The following CARD10 variants were observed in gnomAD, a reference collection of about 807,000 sequenced individuals.
CARD10 encodes the protein caspase recruitment domain family member 10.
CARD10 carries 49 observed loss-of-function variants against 114.6 expected under a neutral mutation model. The observed-to-expected ratio is 0.43, with a 90% CI of 0.34 to 0.54. The LOEUF (loss-of-function observed/expected upper bound fraction) is 0.54. Among genes scored for constraint, CARD10 ranks in the 20% least tolerant of loss-of-function variants. CARD10 has a pLI of 0.03. For missense variants in CARD10, 1,206 were observed against 1,397.2 expected, an observed-to-expected ratio of 0.86 and a Z score of 2.18; for synonymous variants, 602 against 593.2, an observed-to-expected ratio of 1.01 and a Z score of -0.21.
At chr22:37,517,582 C>T (rs914529297) in intron 2 of CARD10, among the ~76,000 whole-genome samples, 1 of 151,954 alleles carries the variant, frequency 6.6e-6, no homozygotes, top group Non-Finnish European at 1.5e-5. Flanking sequence ...GCGGAGGTTG[C>T]AGTGAGCTGA....
intron 7 of CARD10, among the ~76,000 whole-genome samples, chr22:37,505,351 C>T (rs1923368838): frequency 2.0e-5 from 3 of 152,046 alleles, no homozygotes; most frequent in African/African-American, 7.3e-5. Flanking sequence ...AAACACCAGG[C>T]CTGCGGAGCT....
Position 37,518,980 on chromosome 22 carries a change from C to A in CARD10, c.221G>T (p.Arg74Leu). 1 of 1,547,254 alleles carries A rather than the reference C, an allele frequency of 6.5e-7. No homozygotes were observed. Among genetic ancestry groups the A allele is most frequent in the Non-Finnish European group, 8.7e-7 (1 of 1,149,870 alleles). ...CCGCGGCTCACCGGTGCGGTTGACG[C>A]GGCACGGGAAGCGGTAGGTGCTCAG... ...EVLSTYRFPC[R>L]VNRTGRLMDI... Residue 74 changes from arginine (R) to leucine (L), a missense_variant, in exon 1 of 20, where the codon CGC becomes CTC. Transcript: ENST00000251973.
At position 37,491,765 on chromosome 22, in the gene CARD10, G is replaced by A. The variant is rs201030086; in HGVS notation, c.2854C>T (p.Arg952Trp). 9 of 572,114 alleles carry A rather than the reference G, an allele frequency of 1.6e-5. No homozygotes were observed. Among genetic ancestry groups the A allele is most frequent in the East Asian group, 1.2e-4 (2 of 17,272 alleles). The allele number at this position is 572,114 out of a possible 1,614,324, so 35.4% of individuals were successfully genotyped here. A position where few individuals can be genotyped will look rare whatever the true frequency, so the allele number is the denominator to read the frequency against. The change falls in exon 19 of 20, where the codon CGG becomes TGG. Residue 952 changes from arginine (R) to tryptophan (W), a missense_variant. By Grantham distance (101) the Arg-to-Trp change is moderately radical. Coordinates refer to ENST00000251973, the MANE Select transcript of CARD10 (RefSeq NM_014550.4). Reference protein sequence around the residue: ...IHVEVTEKNVREVRGLLGRPG... With the variant: ...IHVEVTEKNVWEVRGLLGRPG... ...ACCCACCCACCTCACCTGACTTCCC[G>A]GACATTCTTCTCAGTCACCTCCACG... is the stretch of plus-strand genomic sequence containing the variant.
intron 5 of CARD10, 125 bp downstream of exon 5, chr22:37,508,402 G>A (rs1399258085): frequency 7.2e-6 from 8 of 1,116,740 alleles, no homozygotes; most frequent in Non-Finnish European, 9.9e-6. Context: ...GTCAACATCT[G>A]AGAACAAATG....
intron 11 of CARD10, among the ~76,000 whole-genome samples, chr22:37,500,045 T>G (rs1015352199): frequency 1.3e-5 from 2 of 152,136 alleles, no homozygotes; most frequent in African/African-American, 4.8e-5. Context: ...ATGGCCTCAA[T>G]GAATGTCCCC....
chr22:37,514,026 C>T (rs1923751456), intron 3 of CARD10, among the ~76,000 whole-genome samples: 2 of 149,984 alleles, frequency 1.3e-5, no homozygotes, highest in African/African-American at 2.5e-5. Context: ...ATCGCTTGAA[C>T]GTGGGAGGCA....
At chr22:37,497,939 C>T (rs958749773) in intron 11 of CARD10, among the ~76,000 whole-genome samples, 1 of 151,730 alleles carries the variant, frequency 6.6e-6, no homozygotes, top group Admixed American at 6.6e-5. Context: ...AAGGTGGTTA[C>T]AACCAGCCGT....
intron 2 of CARD10, among the ~76,000 whole-genome samples, chr22:37,517,492 A>G (rs1319949965): frequency 6.6e-6 from 1 of 152,090 alleles, no homozygotes; most frequent in Non-Finnish European, 1.5e-5. Context: ...AAATACAAAA[A>G]TTAGCAGGGC....
chr22:37,507,721 C>T lies in CARD10; in HGVS notation c.1191+108G>A, dbSNP rs151286884. 2.8e-4 allele frequency: 378 copies of T among 1,364,182 alleles called. 1 individual carries two copies. In the African/African-American group the frequency reaches 3.3e-3, roughly 12 times the overall value. The allele number at this position is 1,364,182 out of a possible 1,614,324, so 84.5% of individuals were successfully genotyped here. On this transcript the variant is annotated intron_variant, in intron 6 of 19. Transcript: ENST00000251973. ...TGCCCCGTCCTAACCCAACAGGGAGCGGCTAACGTCTCTTTCTACCATTCT... is the reference window on the plus strand; with the variant it reads ...TGCCCCGTCCTAACCCAACAGGGAGTGGCTAACGTCTCTTTCTACCATTCT...
At chr22:37,515,889 G>T in intron 3 of CARD10, 84 bp downstream of exon 3, 1 of 1,112,964 alleles carries the variant, frequency 9.0e-7, no homozygotes. Context: ...AGCAATGGTG[G>T]CTCTGGGACA....
chr22:37,496,365 G>C lies in CARD10; in HGVS notation c.2059+84C>G, dbSNP rs1601809143. On this transcript the variant is annotated intron_variant, in intron 13 of 19. Coordinates refer to ENST00000251973, the MANE Select transcript of CARD10 (RefSeq NM_014550.4). This position sits in a 1 kb window ranked among gnomAD's most constrained non-coding sequence, Gnocchi z 4.1. ...TGGGGCAAGGCTGGTCCCTTCTCAG[G>C]TCCTTGGTCCCTCCCCACCCCATGC... The C allele has an allele frequency of 2.0e-6, 2 of 992,704 alleles. No individual in the cohort carries two copies. Among genetic ancestry groups the C allele is most frequent in the East Asian group, 4.9e-5 (2 of 41,186 alleles). 61.5% of individuals were successfully genotyped at this position (992,704 alleles called of 1,614,324 possible). A position where few individuals can be genotyped will look rare whatever the true frequency, so the allele number is the denominator to read the frequency against.
Position 37,506,258 on chromosome 22 carries a change from G to A in CARD10, c.1317C>T (p.Ser439=). ...ERDELLTTLT[S]LEGTKALLEV... Reference sequence around the variant, plus strand: ...CCAGCAGAGCCTTGGTGCCCTCCAGGCTGGTGAGCGTTGTCAGCAGCTCAT... The same window carrying A: ...CCAGCAGAGCCTTGGTGCCCTCCAGACTGGTGAGCGTTGTCAGCAGCTCAT... The change falls in exon 7 of 20, where the codon AGC becomes AGT. Residue 439 remains serine, a synonymous_variant. Transcript: ENST00000251973. 1 of 1,609,246 alleles carries A rather than the reference G, an allele frequency of 6.2e-7. No individual in the cohort carries two copies.
Position 37,491,790 on chromosome 22 carries a change from G to A in CARD10, c.2829C>T (p.His943=), listed in dbSNP as rs551486012. The A allele has an allele frequency of 2.1e-5, 27 of 1,296,516 alleles. No homozygotes were observed. The highest frequency in any genetic ancestry group is 2.1e-4 in the Middle Eastern group (1 of 4,674). The allele number at this position is 1,296,516 out of a possible 1,614,324, so 80.3% of individuals were successfully genotyped here. Residue 943 remains histidine, a synonymous_variant, in exon 19 of 20, where the codon CAC becomes CAT. Transcript: ENST00000251973. ...VQNEIYPIVI[H]VEVTEKNVRE... ...GGACATTCTTCTCAGTCACCTCCACGTGGATGACGATGGGGTAGATCTCGT... is the reference window on the plus strand; with the variant it reads ...GGACATTCTTCTCAGTCACCTCCACATGGATGACGATGGGGTAGATCTCGT...
chr22:37,517,149 T>C (rs1418017002), intron 2 of CARD10, among the ~76,000 whole-genome samples: 1 of 152,148 alleles, frequency 6.6e-6, no homozygotes, highest in East Asian at 1.9e-4. Flanking sequence ...AATACAAAAC[T>C]GGAAACCTAG....
In CARD10 at chr22:37,499,569, C is replaced by T. The variant is rs568102158; in HGVS notation, c.1788-2391G>A. ...CCCCTCTGCAATGCAAGCATCAAGG[C>T]TGACCTCAGCTTTCAACTCAGGTTT... On this transcript the variant is annotated intron_variant, in intron 11 of 19. Transcript: ENST00000251973. Among the ~76,000 whole-genome samples the T allele has an allele frequency of 5.9e-5, 9 of 151,416 alleles. No homozygotes were observed. The East Asian group carries it at 1.6e-3, about 26-fold the overall frequency.
At chr22:37,491,997 C>A (rs1032495180) in intron 18 of CARD10, 130 bp from the exon 19 acceptor site, 14 of 668,056 alleles carry the variant, frequency 2.1e-5, no homozygotes, top group Non-Finnish European at 3.7e-5. Context: ...CAGAGGGACC[C>A]TGGCAACGAG....
At chr22:37,516,363 C>G in intron 2 of CARD10, 65 bp from the exon 3 acceptor site, 1 of 1,219,866 alleles carries the variant, frequency 8.2e-7, no homozygotes, top group Non-Finnish European at 1.1e-6. Context: ...AGATAACATA[C>G]TGTGTCAAAA....
intron 5 of CARD10, 89 bp from the exon 6 acceptor site, chr22:37,508,043 C>A: frequency 6.7e-7 from 1 of 1,499,164 alleles, no homozygotes; most frequent in Non-Finnish European, 9.1e-7. Flanking sequence ...CAGTGAGAGA[C>A]GCTCACCAAC....
In CARD10 at chr22:37,507,836, C is replaced by T. The variant is rs756869184; in HGVS notation, c.1184G>A (p.Arg395Gln). The T allele has an allele frequency of 1.9e-6, 3 of 1,614,162 alleles. No homozygotes were observed. The highest frequency in any genetic ancestry group is 2.2e-5 in the East Asian group (1 of 44,886). The change falls in exon 6 of 20, where the codon CGA becomes CAA. Residue 395 changes from arginine (R) to glutamine (Q), a missense_variant. Around this residue, in one of 2 missense-constraint regions of CARD10, gnomAD observed 1,068 missense variants for 1,179.1 expected, o/e 0.91. Coordinates refer to ENST00000251973, the MANE Select transcript of CARD10 (RefSeq NM_014550.4). ...LAQLEEIEKE[R>Q]DQAIQSRDRI... Reference sequence around the variant, plus strand: ...CACGCAGGCTGGGCTCACCTGGTCTCGCTCCTTCTCAATCTCCTCCAGTTG... The same window carrying T: ...CACGCAGGCTGGGCTCACCTGGTCTTGCTCCTTCTCAATCTCCTCCAGTTG...
Sources: allele counts gnomAD v4.1 joint callset (sites outside exome capture counted in the v4.1 genomes callset), GRCh38; gene constraint gnomAD v4.1.1; regional missense constraint gnomAD v4.1.1; non-coding constraint Gnocchi (gnomAD v3.1); transcripts MANE v1.5; gene names NCBI Gene and HGNC (gene_info 2026-07-23, HGNC 2026-07-21).